Variants in IQUB observed in about 807,000 individuals in gnomAD.
The protein encoded by IQUB is IQ motif and ubiquitin domain containing, also known as IQ motif and ubiquitin-like domain-containing protein.
A neutral mutation model predicts 86.4 loss-of-function variants in IQUB; 86 were observed. The observed-to-expected ratio is 1.00, with a 90% CI of 0.84 to 1.19. The LOEUF is 1.19. IQUB is among the 50% of genes most tolerant of loss of function. The pLI is 0.00. For synonymous variants in IQUB, 289 were observed against 304.5 expected (o/e 0.95, Z 0.53); for missense variants, 946 against 916.9 (o/e 1.03, Z -0.41).
In IQUB at chr7:123,471,498, GACA is replaced by G. The variant is rs548390991; in HGVS notation, c.1411-2117_1411-2115del. ...CAATTGCTTTTCTTCCAGTAATTTG[GACA>G]ACACCTTTTGATCTGCATGGTGGTA... On this transcript the variant is annotated intron_variant, in intron 8 of 12. Transcript: ENST00000324698. Among the ~76,000 whole-genome samples the G allele has an allele frequency of 8.2e-3, 1,245 of 152,200 alleles. 14 individuals carry two copies. The highest frequency in any genetic ancestry group is 0.029 in the African/African-American group (1,188 of 41,544).
intron 8 of IQUB, among the ~76,000 whole-genome samples, chr7:123,471,871 T>G (rs369495142): frequency 5.3e-5 from 8 of 152,278 alleles, no homozygotes; most frequent in African/African-American, 1.9e-4. Context: ...CTACAGGCAA[T>G]GAAATTTGGA....
chr7:123,502,611 G>C lies in IQUB; in HGVS notation c.1009C>G (p.Gln337Glu), dbSNP rs1454218968. ...KYFSAAEYHA[Q>E]RLKAVIVIQT... ...AGTTATCTCACCGCCTTTAGTCTTT[G>C]AGCATGGTATTCTGCTGCTGAAAAA... Residue 337 changes from glutamine to glutamate, a missense_variant, in exon 6 of 13, where the codon CAA (glutamine) becomes GAA (glutamate). Gln to Glu is a conservative substitution (Grantham distance 29). Transcript: ENST00000324698. 1 of 1,611,490 alleles carries C rather than the reference G, an allele frequency of 6.2e-7. No individual in the cohort carries two copies. Among genetic ancestry groups the C allele is most frequent in the East Asian group, 2.2e-5 (1 of 44,808 alleles).
At chr7:123,518,962 T>C (rs542348169) in intron 1 of IQUB, among the ~76,000 whole-genome samples, 11 of 149,086 alleles carry the variant, frequency 7.4e-5, no homozygotes, top group South Asian at 4.3e-4. Flanking sequence ...GCCTCCCTAA[T>C]CATACCTCAA....
At chr7:123,526,786 C>T (rs931260326) in intron 1 of IQUB, among the ~76,000 whole-genome samples, 1 of 151,660 alleles carries the variant, frequency 6.6e-6, no homozygotes, top group Non-Finnish European at 1.5e-5. Context: ...GCAGTTTCTT[C>T]CTAGTCTCGA....
chr7:123,506,823 T>C (rs80234040), intron 3 of IQUB, among the ~76,000 whole-genome samples: 2,524 of 152,284 alleles, frequency 0.017, 68 homozygotes, highest in African/African-American at 0.057. Flanking sequence ...TATAAATTAA[T>C]TCATGCCACG....
At position 123,502,725 on chromosome 7, in the gene IQUB, G is replaced by A. The variant is rs772302070; in HGVS notation, c.895C>T (p.Gln299Ter). The A allele has an allele frequency of 6.2e-7, 1 of 1,603,212 alleles. No homozygotes were observed. The highest frequency in any genetic ancestry group is 8.5e-7 in the Non-Finnish European group (1 of 1,176,468). ...QTVFQKKNLQ[Q>*]TTNTTSTQMT... The stretch of plus-strand genomic sequence containing the variant: ...TGTGTGGATGTTGTATTTGTAGTTT[G>A]TTGGAGATTTTTTTTCTGAAAAACT... The change falls in exon 6 of 13, where the codon CAA becomes TAA. Residue 299 changes from glutamine (Q) to a stop codon, truncating the protein, a stop_gained. Coordinates refer to ENST00000324698, the MANE Select transcript of IQUB (RefSeq NM_178827.5). LOFTEE classifies it high-confidence loss of function.
Position 123,499,013 on chromosome 7 carries a change from A to C in IQUB, c.1024-2107T>G, listed in dbSNP as rs147515376. Among the ~76,000 whole-genome samples the C allele has an allele frequency of 7.9e-4, 120 of 152,326 alleles. 2 individuals carry two copies. The East Asian group carries it at 0.022, about 27-fold the overall frequency. ...GTAGGTAAGAAAATTAGGTGAGAAA[A>C]TCTTTTAGCATGCAGGACAAAGGCT... On this transcript the variant is annotated intron_variant, in intron 6 of 12. Coordinates refer to ENST00000324698, the MANE Select transcript of IQUB (RefSeq NM_178827.5).
chr7:123,454,716 T>G (rs1207589099), intron 12 of IQUB, among the ~76,000 whole-genome samples: 1 of 152,140 alleles, frequency 6.6e-6, no homozygotes, highest in Admixed American at 6.6e-5. Flanking sequence ...ACCCACATTT[T>G]CCTGAATGTG....
Position 123,452,785 on chromosome 7 carries a change from G to T in IQUB, c.2334C>A (p.Asp778Glu). The change falls in exon 13 of 13, where the codon GAC (aspartate) becomes GAA (glutamate). Residue 778 changes from aspartate (D) to glutamate (E), a missense_variant. Coordinates refer to ENST00000324698, the MANE Select transcript of IQUB (RefSeq NM_178827.5). ...GGGATTCTATAATCTTAGGTGTTGT[G>T]TCTGAGTGATACTTCCATCTGATCT... ...IDEIRWKYHS[D>E]TTPKIIESQR... The T allele has an allele frequency of 6.2e-7, 1 of 1,613,584 alleles. No individual in the cohort carries two copies. The highest frequency in any genetic ancestry group is 8.5e-7 in the Non-Finnish European group (1 of 1,179,656).
rs767068401 is a variant in IQUB, at chr7:123,512,325, C to T, written c.16G>A (p.Glu6Lys). MSNQQEKYEAQNIVNS... is the reference protein window; with the variant it reads MSNQQKKYEAQNIVNS... Reference sequence around the variant, plus strand: ...ACTATATTCTGAGCTTCATACTTCTCCTGTTGATTAGACATTTTCCTGAAT... The same window carrying T: ...ACTATATTCTGAGCTTCATACTTCTTCTGTTGATTAGACATTTTCCTGAAT... Residue 6 changes from glutamate to lysine, a missense_variant, in exon 2 of 13, where the codon GAG becomes AAG. Coordinates refer to ENST00000324698, the MANE Select transcript of IQUB (RefSeq NM_178827.5). 28 of 1,563,106 alleles carry T rather than the reference C, an allele frequency of 1.8e-5. 1 individual carries two copies. In the South Asian group the frequency reaches 3.0e-4, roughly 16 times the overall value.
At chr7:123,524,244 G>A (rs1243522225) in intron 1 of IQUB, among the ~76,000 whole-genome samples, 2 of 144,068 alleles carry the variant, frequency 1.4e-5, no homozygotes, top group East Asian at 2.0e-4. Flanking sequence ...TGTGAAGAAA[G>A]TCATTGGTAG....
chr7:123,531,346 A>T (rs1797531067), intron 1 of IQUB, among the ~76,000 whole-genome samples: 1 of 152,178 alleles, frequency 6.6e-6, no homozygotes, highest in African/African-American at 2.4e-5. Context: ...AAAGAAAAAG[A>T]CTCAAAGTAA....
At chr7:123,499,014 T>A (rs182647385) in intron 6 of IQUB, among the ~76,000 whole-genome samples, 3 of 152,216 alleles carry the variant, frequency 2.0e-5, no homozygotes, top group Admixed American at 2.0e-4. Flanking sequence ...GGTGAGAAAA[T>A]CTTTTAGCAT....
intron 1 of IQUB, among the ~76,000 whole-genome samples, chr7:123,514,595 T>G (rs1026223179): frequency 4.6e-5 from 7 of 152,194 alleles, no homozygotes; most frequent in Non-Finnish European, 1.0e-4. Flanking sequence ...GTTTATAATT[T>G]GTTTATTTGT....
At chr7:123,479,720 C>T in intron 8 of IQUB, 75 bp downstream of exon 8, 3 of 1,063,246 alleles carry the variant, frequency 2.8e-6, no homozygotes, top group South Asian at 1.5e-5. Context: ...CAATCTAAGT[C>T]TCTTGTCTGG....
intron 1 of IQUB, chr7:123,532,250 T>C (rs959972488): frequency 2.0e-5 from 3 of 152,146 alleles, no homozygotes; most frequent in African/African-American, 7.2e-5. Context: ...CTTCCAATTG[T>C]TTAAATCTCT....
chr7:123,464,524 G>A (rs1794157120), intron 10 of IQUB, among the ~76,000 whole-genome samples: 1 of 151,854 alleles, frequency 6.6e-6, no homozygotes, highest in South Asian at 2.1e-4. Context: ...CATTCCAGGG[G>A]AAACCAACGG....
rs576653547 is a variant in IQUB at position 123,507,543 on chromosome 7, G to T, written c.532+2358C>A. Among the ~76,000 whole-genome samples the T allele has an allele frequency of 2.0e-5, 3 of 152,250 alleles. No individual in the cohort carries two copies. In the East Asian group the frequency reaches 5.8e-4, roughly 29 times the overall value. ...CTATGTTCAAGAAAGCACATTCTAA[G>T]ATCTTTGAGTTTCTACTTCACACCC... On this transcript the variant is annotated intron_variant, in intron 3 of 12. Coordinates refer to ENST00000324698, the MANE Select transcript of IQUB (RefSeq NM_178827.5).
In IQUB at chr7:123,503,032, A is replaced by G. The variant is rs1796019144; in HGVS notation, c.779T>C (p.Val260Ala). 2 of 1,612,968 alleles carry G rather than the reference A, an allele frequency of 1.2e-6. No individual in the cohort carries two copies. The highest frequency in any genetic ancestry group is 1.1e-5 in the South Asian group (1 of 91,046). ...AGCATTGTGATACTCTACTCCTGTT[A>G]CTTTATGTCTGAATCCACCAAGAAA... ...KPFLGGFRHK[V>A]TGVEYHNAGT... Residue 260 changes from valine (V) to alanine (A), a missense_variant, in exon 5 of 13, where the codon GTA becomes GCA. Coordinates refer to ENST00000324698, the MANE Select transcript of IQUB (RefSeq NM_178827.5).
Sources: gnomAD v4.1 joint callset for allele counts (sites outside exome capture counted in the v4.1 genomes callset) on GRCh38, gnomAD v4.1.1 for gene constraint, MANE v1.5 for transcripts, NCBI Gene and HGNC (gene_info 2026-07-23, HGNC 2026-07-21) for gene names.